DBX2: variants seen among roughly 807,000 people sequenced by gnomAD.
The protein encoded by DBX2 is developing brain homeobox 2.
Under a neutral mutation model 17.7 loss-of-function variants are expected in DBX2, and 16 were observed. The observed-to-expected ratio is 0.90, with a 90% CI of 0.61 to 1.37. The LOEUF (loss-of-function observed/expected upper bound fraction) is 1.37. DBX2 is among the 40% of genes most tolerant of loss of function. DBX2 has a pLI of 0.00. For missense variants in DBX2, 538 were observed against 433.8 expected (o/e 1.24, Z -2.13); for synonymous variants, 255 against 183.8 (o/e 1.39, Z -3.13).
intron 1 of DBX2, among the ~76,000 whole-genome samples, chr12:45,042,146 G>A (rs1946474765): frequency 1.3e-5 from 2 of 152,116 alleles, no homozygotes; most frequent in Non-Finnish European, 2.9e-5. Context: ...TATAAAGCAA[G>A]GATGAGACCG....
At chr12:45,026,356 T>C (rs751460504) in intron 2 of DBX2, among the ~76,000 whole-genome samples, 3 of 152,220 alleles carry the variant, frequency 2.0e-5, no homozygotes, top group Admixed American at 6.5e-5. Flanking sequence ...TGAACACCAC[T>C]GTTAATGCTT....
At chr12:45,039,276 GGTATATATAT>G (rs1476841739) in intron 1 of DBX2, among the ~76,000 whole-genome samples, 3 of 66,424 alleles carry the variant, frequency 4.5e-5, no homozygotes, top group African/African-American at 1.3e-4. Flanking sequence ...CTGCATTGAA[GGTATATATAT>G]ATATATATAT....
At position 45,016,311 on chromosome 12, in the gene DBX2, T is replaced by G; in HGVS notation, c.995A>C (p.Lys332Thr). Residue 332 changes from lysine (K) to threonine (T), a missense_variant, in exon 4 of 4, where the codon AAG (lysine) becomes ACG (threonine). Transcript: ENST00000332700. Reference sequence around the variant, plus strand: ...TCAGACAGCCCCAGTAAGTACACCCTTGCTTCCAGCTTCTTCTTCAGAACA... The same window carrying G: ...TCAGACAGCCCCAGTAAGTACACCCGTGCTTCCAGCTTCTTCTTCAGAACA... Reference protein sequence around the residue: ...YLCSEEEAGSKGVLTGAV With the variant: ...YLCSEEEAGSTGVLTGAV 3 of 1,590,880 alleles carry G rather than the reference T, an allele frequency of 1.9e-6. No homozygotes were observed. Among genetic ancestry groups the G allele is most frequent in the Non-Finnish European group, 2.6e-6 (3 of 1,170,146 alleles).
intron 2 of DBX2, among the ~76,000 whole-genome samples, chr12:45,029,879 AAAATAAATAAAT>A (rs146831156): frequency 0.11 from 16,063 of 143,162 alleles, 1,757 homozygotes; most frequent in East Asian, 0.38. Context: ...AAAAATAATA[AAAATAAATAAAT>A]AAATAAATAA....
intron 3 of DBX2, among the ~76,000 whole-genome samples, chr12:45,022,341 T>C (rs1001787112): frequency 6.4e-5 from 9 of 139,596 alleles, no homozygotes; most frequent in African/African-American, 2.2e-4. Flanking sequence ...TCTTGCACTG[T>C]CGCCCAGGCT....
At chr12:45,049,848 C>T (rs1378732042) in intron 1 of DBX2, among the ~76,000 whole-genome samples, 1 of 152,160 alleles carries the variant, frequency 6.6e-6, no homozygotes, top group Non-Finnish European at 1.5e-5. Flanking sequence ...CCAAACTGCC[C>T]TTCTTTCGGT....
intron 1 of DBX2, among the ~76,000 whole-genome samples, chr12:45,046,630 CATTTT>C (rs1946501847): frequency 6.6e-6 from 1 of 152,150 alleles, no homozygotes; most frequent in African/African-American, 2.4e-5. Context: ...TAAAAGAGGC[CATTTT>C]ATTTCACACT....
chr12:45,050,988 C>T lies in DBX2; in HGVS notation c.-61G>A. 1 of 1,337,254 alleles carries T rather than the reference C, an allele frequency of 7.5e-7. No homozygotes were observed. The highest frequency in any genetic ancestry group is 9.5e-7 in the Non-Finnish European group (1 of 1,048,166). The allele number at this position is 1,337,254 out of a possible 1,614,324, so 82.8% of individuals were successfully genotyped here. On this transcript the variant is annotated 5_prime_UTR_variant, in exon 1 of 4. Transcript: ENST00000332700. Reference sequence around the variant, plus strand: ...TGCGCCCGCCTGTCGCCCGGGCGCCCCGCACCGCACCCAGAGCCGCAGCTT... The same window carrying T: ...TGCGCCCGCCTGTCGCCCGGGCGCCTCGCACCGCACCCAGAGCCGCAGCTT...
At chr12:45,039,315 A>ATATG (rs1946458457) in intron 1 of DBX2, among the ~76,000 whole-genome samples, 1 of 115,668 alleles carries the variant, frequency 8.6e-6, no homozygotes, top group African/African-American at 3.7e-5. Context: ...ATATATATAT[A>ATATG]TATATATGTA....
At chr12:45,039,350 A>G (rs1417767035) in intron 1 of DBX2, among the ~76,000 whole-genome samples, 2 of 144,978 alleles carry the variant, frequency 1.4e-5, no homozygotes, top group African/African-American at 2.5e-5. Context: ...TTAGTGAACC[A>G]TATACTTTTT....
chr12:45,041,032 G>A (rs1230735294), intron 1 of DBX2, among the ~76,000 whole-genome samples: 5 of 148,032 alleles, frequency 3.4e-5, no homozygotes, highest in Admixed American at 6.7e-5. Context: ...TCTTACTAAG[G>A]CAACCACTGG....
chr12:45,029,954 T>C (rs1230692816), intron 2 of DBX2, among the ~76,000 whole-genome samples: 1 of 151,938 alleles, frequency 6.6e-6, no homozygotes, highest in Non-Finnish European at 1.5e-5. Flanking sequence ...TTCAAAGTCA[T>C]GATTCCCTGG....
At position 45,016,273 on chromosome 12, in the gene DBX2, G is replaced by T; in HGVS notation, c.*13C>A. 1 of 1,539,104 alleles carries T rather than the reference G, an allele frequency of 6.5e-7. No individual in the cohort carries two copies. The highest frequency in any genetic ancestry group is 8.7e-7 in the Non-Finnish European group (1 of 1,146,870). On this transcript the variant is annotated 3_prime_UTR_variant, in exon 4 of 4. Coordinates refer to ENST00000332700, the MANE Select transcript of DBX2 (RefSeq NM_001004329.3). ...AAGCGTTCTTTTAAATGAACACGGAGGAATGCTTCCATTCAGACAGCCCCA... is the reference window on the plus strand; with the variant it reads ...AAGCGTTCTTTTAAATGAACACGGATGAATGCTTCCATTCAGACAGCCCCA...
rs147842903 is a variant in DBX2 at position 45,041,709 on chromosome 12, T to C, written c.404-5595A>G. Among the ~76,000 whole-genome samples, 106 of 152,314 alleles carry C rather than the reference T, an allele frequency of 7.0e-4. 1 individual carries two copies. In the East Asian group the frequency reaches 0.019, roughly 28 times the overall value. On this transcript the variant is annotated intron_variant, in intron 1 of 3. Transcript: ENST00000332700. ...CAAGTGCAGTGTCTACTTGTTTGCT[T>C]CTATCCTTTCAATTTAGGGCAAATA...
At chr12:45,017,152 C>T (rs982492292) in intron 3 of DBX2, among the ~76,000 whole-genome samples, 1 of 152,156 alleles carries the variant, frequency 6.6e-6, no homozygotes, top group African/African-American at 2.4e-5. Context: ...AAGTTGGTTA[C>T]ACCCTGTAAG....
intron 1 of DBX2, among the ~76,000 whole-genome samples, chr12:45,050,021 T>G (rs1358642043): frequency 1.3e-5 from 2 of 152,166 alleles, no homozygotes; most frequent in Non-Finnish European, 2.9e-5. Flanking sequence ...TCCAAAGATC[T>G]TTGCGCGCGT....
intron 2 of DBX2, among the ~76,000 whole-genome samples, chr12:45,031,504 G>C (rs1357591212): frequency 5.3e-5 from 8 of 151,978 alleles, no homozygotes; most frequent in Admixed American, 3.3e-4. Flanking sequence ...GCATACAGTA[G>C]ACCTGAGTTA....
intron 1 of DBX2, among the ~76,000 whole-genome samples, chr12:45,040,473 T>A (rs1038875869): frequency 9.9e-5 from 15 of 152,176 alleles, no homozygotes; most frequent in Admixed American, 5.9e-4. Flanking sequence ...GAAACTGTTA[T>A]GAGTTACAAA....
In DBX2 at chr12:45,016,587, T is replaced by G; in HGVS notation, c.719A>C (p.Lys240Thr). ...TTCCTTTTCTTTGGAATTCCGCCAT[T>G]TCATCCTCCTGTTCTGAAACCAAAT... ...VKIWFQNRRM[K>T]WRNSKEKEVL... Residue 240 changes from lysine to threonine, a missense_variant, in exon 4 of 4, where the codon AAA (lysine) becomes ACA (threonine). Coordinates refer to ENST00000332700, the MANE Select transcript of DBX2 (RefSeq NM_001004329.3). 6.5e-7 allele frequency: 1 copy of G among 1,549,682 alleles called. No homozygotes were observed. The highest frequency in any genetic ancestry group is 8.7e-7 in the Non-Finnish European group (1 of 1,151,126).
Sources: gnomAD v4.1 joint callset for allele counts (sites outside exome capture counted in the v4.1 genomes callset) on GRCh38, gnomAD v4.1.1 for gene constraint, MANE v1.5 for transcripts, NCBI Gene and HGNC (gene_info 2026-07-23, HGNC 2026-07-21) for gene names.